Variants in DNAH1 observed in about 807,000 individuals in gnomAD.
The protein encoded by DNAH1 is axonemal beta dynein heavy chain 1.
DNAH1 carries 327 observed loss-of-function variants against 484.3 expected under a neutral mutation model. The observed-to-expected ratio is 0.68, with a 90% CI of 0.62 to 0.74. DNAH1 has a LOEUF of 0.74. Ranked by LOEUF, DNAH1 falls within the 30% of genes least tolerant of loss-of-function variation. The pLI is 0.00. For missense variants in DNAH1, 5,052 were observed against 5,546.8 expected (o/e 0.91, Z 2.83); for synonymous variants, 2,192 against 2,191.9 (o/e 1.00, Z 0.00).
Position 52,394,642 on chromosome 3 carries a change from G to C in DNAH1, c.10804G>C (p.Asp3602His), listed in dbSNP as rs377385985. Residue 3602 changes from aspartate to histidine, a missense_variant, in exon 67 of 78, where the codon GAC becomes CAC. Around this residue, in one of 4 missense-constraint regions of DNAH1, gnomAD observed 853 missense variants for 899.0 expected, o/e 0.95. Transcript: ENST00000420323. The part of the protein sequence containing the change: ...KHLSEFRVIF[D>H]SLEPHREPLP... ...CCTCTCAGAATTCCGGGTCATCTTC[G>C]ACAGCCTTGAGCCCCACCGGTTAGC... The C allele has an allele frequency of 6.3e-7, 1 of 1,579,784 alleles. No individual in the cohort carries two copies. The highest frequency in any genetic ancestry group is 8.6e-7 in the Non-Finnish European group (1 of 1,160,298).
chr3:52,314,767 G>A (rs989159727), upstream of DNAH1, among the ~76,000 whole-genome samples: 4 of 152,184 alleles, frequency 2.6e-5, no homozygotes, highest in African/African-American at 9.7e-5. Flanking sequence ...CAGGGAGTGT[G>A]TCCTGAGAAG....
At chr3:52,365,251 C>T (rs1451386612) in intron 34 of DNAH1, among the ~76,000 whole-genome samples, 1 of 152,204 alleles carries the variant, frequency 6.6e-6, no homozygotes, top group African/African-American at 2.4e-5. Context: ...CCTTCCTAGG[C>T]CCTCCTTCCC....
rs201397073 is a variant in DNAH1, at chr3:52,368,725, C to T, written c.5766-16C>T. ...CCTCCCTGATGTTTCCAGCCCTCTC[C>T]TCCCTGGCGCTGCAGGACAGACGGG... On this transcript the variant is annotated splice_polypyrimidine_tract_variant and intron_variant, in intron 36 of 77. Coordinates refer to ENST00000420323, the MANE Select transcript of DNAH1 (RefSeq NM_015512.5). The surrounding 1 kb of genome is among the most constrained non-coding windows in gnomAD (Gnocchi z 4.4). The T allele has an allele frequency of 6.1e-5, 98 of 1,606,626 alleles. No homozygotes were observed. The highest frequency in any genetic ancestry group is 8.2e-5 in the Non-Finnish European group (96 of 1,174,948).
chr3:52,377,219 C>G (rs540984087), intron 46 of DNAH1, among the ~76,000 whole-genome samples: 1 of 152,156 alleles, frequency 6.6e-6, no homozygotes, highest in Non-Finnish European at 1.5e-5. Flanking sequence ...GGTCCCCGCA[C>G]TCTTCCCATC....
Position 52,323,727 on chromosome 3 carries a change from G to A in DNAH1, c.334-81G>A, listed in dbSNP as rs1701233283. 9 of 1,152,142 alleles carry A rather than the reference G, an allele frequency of 7.8e-6. No homozygotes were observed. In the Admixed American group the frequency reaches 1.3e-4, roughly 17 times the overall value. 71.4% of individuals were successfully genotyped at this position (1,152,142 alleles called of 1,614,324 possible). A position where few individuals can be genotyped will look rare whatever the true frequency, so the allele number is the denominator to read the frequency against. On this transcript the variant is annotated intron_variant, in intron 2 of 77. Coordinates refer to ENST00000420323, the MANE Select transcript of DNAH1 (RefSeq NM_015512.5). ...CTCCCTGGTGGGTCTCAAGGGAGGC[G>A]CCTGGGCTCGGGGTCCCTCCCGGGT...
At chr3:52,349,605 G>T (rs1702288982) in intron 14 of DNAH1, among the ~76,000 whole-genome samples, 185 bp downstream of exon 14, 1 of 152,236 alleles carries the variant, frequency 6.6e-6, no homozygotes, top group Non-Finnish European at 1.5e-5. Context: ...GAGCTGTCCT[G>T]TATGGGAGGT....
chr3:52,346,152 T>G (rs1202523287), intron 10 of DNAH1, among the ~76,000 whole-genome samples: 1 of 152,184 alleles, frequency 6.6e-6, no homozygotes, highest in Non-Finnish European at 1.5e-5. Context: ...TTTGTCTTGT[T>G]CTCTGTCTCT....
intron 10 of DNAH1, 84 bp downstream of exon 10, chr3:52,345,790 G>A: frequency 7.1e-7 from 1 of 1,407,276 alleles, no homozygotes; most frequent in Non-Finnish European, 9.7e-7. Flanking sequence ...GCAGCGGAAG[G>A]CCAGGGTCAG....
In DNAH1 at chr3:52,372,379, G is replaced by A. The variant is rs79760452; in HGVS notation, c.6819G>A (p.Leu2273=). ...NQTQDFIDSK[L]DKRRKGVFGP... The stretch of plus-strand genomic sequence containing the variant: ...CCCAGGACTTCATTGACAGCAAGCT[G>A]GACAAGAGGCAGGGCACCCCTCCCT... The change falls in exon 43 of 78, where the codon CTG becomes CTA. Residue 2273 remains leucine (L), a synonymous_variant. Transcript: ENST00000420323. 7,836 of 1,613,736 alleles carry A rather than the reference G, an allele frequency of 4.9e-3. 607 individuals carry two copies. The East Asian group carries it at 0.16, about 32-fold the overall frequency.
At chr3:52,314,051 C>T (rs763761706), upstream of DNAH1, among the ~76,000 whole-genome samples, 1 of 152,146 alleles carries the variant, frequency 6.6e-6, no homozygotes, top group Non-Finnish European at 1.5e-5. Flanking sequence ...GATGGGAGGG[C>T]TCAGCTAAGC....
chr3:52,367,054 C>T (rs1176113848), intron 36 of DNAH1, among the ~76,000 whole-genome samples, 167 bp downstream of exon 36: 1 of 152,182 alleles, frequency 6.6e-6, no homozygotes, highest in African/African-American at 2.4e-5. Context: ...ACCCTCCTCA[C>T]CCCCCAGGCC....
chr3:52,394,756 A>G (rs367661900), intron 67 of DNAH1, 95 bp downstream of exon 67: 6 of 1,486,346 alleles, frequency 4.0e-6, no homozygotes, highest in South Asian at 1.3e-5. Context: ...GGGGCCACCC[A>G]GGGTTGCCCT....
At chr3:52,344,110 T>C (rs543926589) in intron 8 of DNAH1, among the ~76,000 whole-genome samples, 1 of 152,316 alleles carries the variant, frequency 6.6e-6, no homozygotes, top group South Asian at 2.1e-4. Flanking sequence ...CATCTTCCAC[T>C]GCACCATGGG....
At chr3:52,398,422 T>C (rs1283651357) in intron 75 of DNAH1, among the ~76,000 whole-genome samples, 1 of 152,166 alleles carries the variant, frequency 6.6e-6, no homozygotes, top group Non-Finnish European at 1.5e-5. Flanking sequence ...GCTGGGACTA[T>C]AGGCGCACAC....
At chr3:52,367,293 C>T (rs1703127185) in intron 36 of DNAH1, among the ~76,000 whole-genome samples, 1 of 152,256 alleles carries the variant, frequency 6.6e-6, no homozygotes, top group East Asian at 1.9e-4. Flanking sequence ...GACGTCGGCA[C>T]CTCAGGGGCT....
intron 46 of DNAH1, 119 bp downstream of exon 46, chr3:52,376,112 G>A: frequency 1.5e-6 from 2 of 1,290,572 alleles, no homozygotes; most frequent in African/African-American, 1.5e-5. Context: ...TTCATGCAGG[G>A]ACCTTGGGCC....
At chr3:52,317,431 C>A (rs1700987688) in intron 1 of DNAH1, among the ~76,000 whole-genome samples, 1 of 152,146 alleles carries the variant, frequency 6.6e-6, no homozygotes, top group Non-Finnish European at 1.5e-5. Flanking sequence ...CCCAGGAGAA[C>A]CAGAACCCAC....
At position 52,370,176 on chromosome 3, in the gene DNAH1, A is replaced by G. The variant is rs1480765324; in HGVS notation, c.6205A>G (p.Met2069Val). Residue 2069 changes from methionine to valine, a missense_variant, in exon 39 of 78, where the codon ATG becomes GTG. Around this residue, in one of 4 missense-constraint regions of DNAH1, gnomAD observed 2,929 missense variants for 3,409.4 expected, o/e 0.86. Coordinates refer to ENST00000420323, the MANE Select transcript of DNAH1 (RefSeq NM_015512.5). The stretch of plus-strand genomic sequence containing the variant: ...CGCCTCAACCAACTGCAACCTGACC[A>G]TGAGCCTCCTCAAGCTGCTGGACTG... ...VIASTNCNLT[M>V]SLLKLLDCFF... is the part of the protein sequence containing the mutation. 1.2e-6 allele frequency: 2 copies of G among 1,613,992 alleles called. No homozygotes were observed. The highest frequency in any genetic ancestry group is 2.2e-5 in the East Asian group (1 of 44,878).
In DNAH1 at chr3:52,388,504, C is replaced by A. The variant is rs780085331; in HGVS notation, c.9258C>A (p.Asp3086Glu). ...AACAGCGCCTTCGTGAGGTGGAGGACGGCATCGCCACAATGCAGGCTAAGT... is the reference window on the plus strand; with the variant it reads ...AACAGCGCCTTCGTGAGGTGGAGGAAGGCATCGCCACAATGCAGGCTAAGT... The part of the protein sequence containing the change: ...EAKQRLREVE[D>E]GIATMQAKYR... Residue 3086 changes from aspartate (D) to glutamate (E), a missense_variant, in exon 58 of 78, where the codon GAC becomes GAA. Asp to Glu is a conservative substitution (Grantham distance 45, BLOSUM62 2). Coordinates refer to ENST00000420323, the MANE Select transcript of DNAH1 (RefSeq NM_015512.5). 2 of 1,612,452 alleles carry A rather than the reference C, an allele frequency of 1.2e-6. No homozygotes were observed. The highest frequency in any genetic ancestry group is 1.7e-6 in the Non-Finnish European group (2 of 1,179,330).
Sources: allele counts gnomAD v4.1 joint callset (sites outside exome capture counted in the v4.1 genomes callset), GRCh38; gene constraint gnomAD v4.1.1; regional missense constraint gnomAD v4.1.1; non-coding constraint Gnocchi (gnomAD v3.1); transcripts MANE v1.5; gene names NCBI Gene and HGNC (gene_info 2026-07-23, HGNC 2026-07-21).